The following ZBTB41 variants were observed in gnomAD, a reference collection of about 807,000 sequenced individuals.
ZBTB41 encodes zinc finger and BTB domain-containing protein 41.
ZBTB41 carries 42 observed loss-of-function variants against 87.6 expected under a neutral mutation model. The ratio of observed to expected loss-of-function variants is 0.48; its 90% confidence interval spans 0.37 to 0.62. The LOEUF (loss-of-function observed/expected upper bound fraction) is 0.62, where lower values mean the gene tolerates loss of function less well. ZBTB41 is among the 20% of genes least tolerant of loss of function. The probability of loss-of-function intolerance (pLI) is 0.00; values close to 1 mark genes in which losing one functional copy is unlikely to be tolerated. For synonymous variants in ZBTB41, 364 were observed against 364.0 expected, an observed-to-expected ratio of 1.00 and a Z score of 0.00; for missense variants, 799 against 1,078.9, an observed-to-expected ratio of 0.74 and a Z score of 3.63.
At chr1:197,167,447 G>A (rs1013796503) in intron 10 of ZBTB41, among the ~76,000 whole-genome samples, 4 of 152,172 alleles carry the variant, frequency 2.6e-5, no homozygotes, top group African/African-American at 9.6e-5. Context: ...CATCCACCTC[G>A]ACTTCCCAAA....
chr1:197,181,026 T>C lies in ZBTB41; in HGVS notation c.1638A>G (p.Lys546=), dbSNP rs1476189639. ...HIECTHGGKR[K]WTCFICGKSV... is the part of the protein sequence containing the mutation. ...ATTTTCCACAGATAAAGCAAGTCCA[T>C]TTTCTCTTTCCACCATGAGTACATT... The change falls in exon 6 of 11, where the codon AAA becomes AAG. Residue 546 remains lysine (K), a synonymous_variant. Coordinates refer to ENST00000367405, the MANE Select transcript of ZBTB41 (RefSeq NM_194314.3). 3.1e-6 allele frequency: 5 copies of C among 1,600,930 alleles called. No individual in the cohort carries two copies. The Admixed American group carries it at 8.9e-5, about 29-fold the overall frequency.
In ZBTB41 at chr1:197,155,272, CACTT is replaced by C. The variant is rs1274976949; in HGVS notation, c.*4083_*4086del. ...TCATAAAAACAAATATTCACACTAA[CACTT>C]AGTGCCAATTTGCCTATATAAACAT... On this transcript the variant is annotated 3_prime_UTR_variant, in exon 11 of 11. Coordinates refer to ENST00000367405, the MANE Select transcript of ZBTB41 (RefSeq NM_194314.3). The C allele has an allele frequency of 6.6e-6, 1 of 151,870 alleles. No homozygotes were observed. The highest frequency in any genetic ancestry group is 6.6e-5 in the Admixed American group (1 of 15,196). 9.4% of individuals were successfully genotyped at this position (151,870 alleles called of 1,614,324 possible).
intron 2 of ZBTB41, among the ~76,000 whole-genome samples, chr1:197,192,662 A>T (rs1196985521): frequency 6.6e-6 from 1 of 152,148 alleles, no homozygotes; most frequent in Admixed American, 6.5e-5. Context: ...CTTAATTAAA[A>T]ACTTAGCTTT....
At chr1:197,199,064 C>T (rs1660234299) in intron 2 of ZBTB41, among the ~76,000 whole-genome samples, 1 of 152,084 alleles carries the variant, frequency 6.6e-6, no homozygotes, top group African/African-American at 2.4e-5. Context: ...TAAATCAAAG[C>T]TCTACATGAT....
intron 4 of ZBTB41, among the ~76,000 whole-genome samples, chr1:197,189,987 T>G (rs1312816314): frequency 6.6e-6 from 1 of 152,156 alleles, no homozygotes; most frequent in Admixed American, 6.5e-5. Flanking sequence ...GGTGTCATCT[T>G]GGCTCACTGC....
rs1252142215 is a variant in ZBTB41 at position 197,188,164 on chromosome 1, G to A, written c.1546+128C>T. 4 of 1,035,168 alleles carry A rather than the reference G, an allele frequency of 3.9e-6. No homozygotes were observed. The African/African-American group carries it at 6.5e-5, about 17-fold the overall frequency. The allele number at this position is 1,035,168 out of a possible 1,614,324, so 64.1% of individuals were successfully genotyped here. On this transcript the variant is annotated intron_variant, in intron 5 of 10. Transcript: ENST00000367405. Reference sequence around the variant, plus strand: ...TCTATTCCTTCCTCTCAATTTTGCTGTGAACCTAAAACCACTCTTAAAAAG... The same window carrying A: ...TCTATTCCTTCCTCTCAATTTTGCTATGAACCTAAAACCACTCTTAAAAAG...
At position 197,159,103 on chromosome 1, in the gene ZBTB41, T is replaced by G. The variant is rs952095059; in HGVS notation, c.*256A>C. On this transcript the variant is annotated 3_prime_UTR_variant, in exon 11 of 11. Transcript: ENST00000367405. The stretch of plus-strand genomic sequence containing the variant: ...TCAGCAGCTAATAATTGCAAAAAAT[T>G]TAAGAAACCATTAAAAGTTAGCACT... 2 of 366,608 alleles carry G rather than the reference T, an allele frequency of 5.5e-6. No homozygotes were observed. The highest frequency in any genetic ancestry group is 9.7e-6 in the Non-Finnish European group (2 of 205,594). The allele number at this position is 366,608 out of a possible 1,614,324, so 22.7% of individuals were successfully genotyped here.
At chr1:197,164,328 G>A (rs1260077425) in intron 10 of ZBTB41, among the ~76,000 whole-genome samples, 7 of 151,904 alleles carry the variant, frequency 4.6e-5, no homozygotes, top group Non-Finnish European at 7.4e-5. Context: ...AATCCTTAAT[G>A]ATTATAAACA....
chr1:197,174,557 C>T (rs1383302148), intron 9 of ZBTB41, among the ~76,000 whole-genome samples: 1 of 152,078 alleles, frequency 6.6e-6, no homozygotes, highest in African/African-American at 2.4e-5. Context: ...TAGCAACTAA[C>T]CTCAGTTAAA....
At chr1:197,187,602 AT>A (rs969033211) in intron 5 of ZBTB41, among the ~76,000 whole-genome samples, 30 of 151,472 alleles carry the variant, frequency 2.0e-4, no homozygotes, top group Non-Finnish European at 2.2e-4. Flanking sequence ...ATGTTTTGTT[AT>A]TTTTTTTTAA....
intron 10 of ZBTB41, among the ~76,000 whole-genome samples, chr1:197,166,722 C>T (rs1659353680): frequency 6.6e-6 from 1 of 151,794 alleles, no homozygotes; most frequent in Non-Finnish European, 1.5e-5. Flanking sequence ...AGGCTGGTGC[C>T]TGTAATCCCA....
At chr1:197,190,720 T>C in intron 4 of ZBTB41, 42 bp downstream of exon 4, 1 of 1,306,922 alleles carries the variant, frequency 7.7e-7, no homozygotes, top group Non-Finnish European at 1.1e-6. Flanking sequence ...AGACGTTGCA[T>C]TTACTTTGGT....
rs767850712 is a variant in ZBTB41 at position 197,159,516 on chromosome 1, T to C, written c.2573A>G (p.Glu858Gly). 116 of 1,613,856 alleles carry C rather than the reference T, an allele frequency of 7.2e-5. No homozygotes were observed. The highest frequency in any genetic ancestry group is 9.4e-5 in the Non-Finnish European group (111 of 1,179,884). The change falls in exon 11 of 11, where the codon GAA (glutamate) becomes GGA (glycine). Residue 858 changes from glutamate (E) to glycine (G), a missense_variant. Coordinates refer to ENST00000367405, the MANE Select transcript of ZBTB41 (RefSeq NM_194314.3). ...YPRAADLAFL[E>G]KYTLTPQPAN... ...AGGTTGAGGAGTAAGAGTATATTTT[T>C]CCAGAAAAGCTAAATCCGCTGCTCG...
chr1:197,193,324 G>T (rs1199355014), intron 2 of ZBTB41, among the ~76,000 whole-genome samples: 1 of 151,360 alleles, frequency 6.6e-6, no homozygotes, highest in Non-Finnish European at 1.5e-5. Context: ...AACACTTGAG[G>T]TCATGAGTTT....
chr1:197,177,156 T>C (rs905779286), intron 7 of ZBTB41, among the ~76,000 whole-genome samples: 1 of 152,108 alleles, frequency 6.6e-6, no homozygotes, highest in Non-Finnish European at 1.5e-5. Context: ...TCATCTCAAA[T>C]TGTAATCCCC....
At chr1:197,189,085 T>C (rs1409475359) in intron 4 of ZBTB41, among the ~76,000 whole-genome samples, 1 of 152,212 alleles carries the variant, frequency 6.6e-6, no homozygotes, top group Non-Finnish European at 1.5e-5. Context: ...AGACACTATC[T>C]TATGCAGACT....
intron 10 of ZBTB41, among the ~76,000 whole-genome samples, chr1:197,165,956 C>A (rs1659334417): frequency 6.6e-6 from 1 of 151,834 alleles, no homozygotes; most frequent in African/African-American, 2.4e-5. Context: ...CGAGCAGAAC[C>A]AGGGTGGGGC....
intron 8 of ZBTB41, chr1:197,176,007 A>G (rs1659598403): frequency 6.6e-6 from 1 of 152,204 alleles, no homozygotes; most frequent in Non-Finnish European, 1.5e-5. Flanking sequence ...CACTTCCTGA[A>G]CATCAATCTG....
chr1:197,177,817 T>C (rs1454132108), intron 7 of ZBTB41, among the ~76,000 whole-genome samples: 1 of 152,092 alleles, frequency 6.6e-6, no homozygotes, highest in Non-Finnish European at 1.5e-5. Flanking sequence ...AAAGGGGAAG[T>C]ATTCAATTTA....
Sources: gnomAD v4.1 joint callset for allele counts (sites outside exome capture counted in the v4.1 genomes callset) on GRCh38, gnomAD v4.1.1 for gene constraint, MANE v1.5 for transcripts, NCBI Gene and HGNC (gene_info 2026-07-23, HGNC 2026-07-21) for gene names.